The following PHACTR3 variants were observed in gnomAD, a reference collection of about 807,000 sequenced individuals.
The protein encoded by PHACTR3 is phosphatase and actin regulator 3.
PHACTR3 carries 16 observed loss-of-function variants against 66.8 expected under a neutral mutation model. The observed-to-expected ratio is 0.24, with a 90% CI of 0.16 to 0.36. The LOEUF is 0.36. PHACTR3 is among the 10% of genes least tolerant of loss of function. PHACTR3 has a pLI of 1.00. For missense variants in PHACTR3, 647 were observed against 719.9 expected (o/e 0.90, Z 1.16); for synonymous variants, 323 against 292.1 (o/e 1.11, Z -1.08).
At chr20:59,626,158 C>G (rs915889220) in intron 1 of PHACTR3, among the ~76,000 whole-genome samples, 1 of 152,204 alleles carries the variant, frequency 6.6e-6, no homozygotes, top group African/African-American at 2.4e-5. Context: ...AGCCATTCAA[C>G]AAATATTTAC....
At chr20:59,622,473 G>C (rs2146368082) in intron 1 of PHACTR3, among the ~76,000 whole-genome samples, 1 of 152,290 alleles carries the variant, frequency 6.6e-6, no homozygotes, top group South Asian at 2.1e-4. Context: ...TTTACCTACT[G>C]GTAAATGCTC....
intron 1 of PHACTR3, among the ~76,000 whole-genome samples, chr20:59,659,157 T>A: frequency 6.6e-6 from 1 of 152,208 alleles, no homozygotes; most frequent in Non-Finnish European, 1.5e-5. Flanking sequence ...CAAAGTTGTG[T>A]GATAATTTCA....
chr20:59,643,013 A>T (rs1009178148), intron 1 of PHACTR3, among the ~76,000 whole-genome samples: 3 of 152,056 alleles, frequency 2.0e-5, no homozygotes, highest in Non-Finnish European at 2.9e-5. Context: ...CCAGGTTCAC[A>T]CCATTCTCCT....
At chr20:59,620,212 T>TA (rs1021851587) in intron 1 of PHACTR3, among the ~76,000 whole-genome samples, 10 of 152,240 alleles carry the variant, frequency 6.6e-5, no homozygotes, top group Non-Finnish European at 1.5e-4. Flanking sequence ...TTTAGACATC[T>TA]AAAAATGTCA....
At chr20:59,581,805 C>T (rs559535472) in intron 1 of PHACTR3, among the ~76,000 whole-genome samples, 2 of 151,836 alleles carry the variant, frequency 1.3e-5, no homozygotes, top group African/African-American at 4.8e-5. Context: ...GGCGTGAACC[C>T]GGTAGGCGGA....
At chr20:59,842,265 A>C (rs889766432) in intron 11 of PHACTR3, among the ~76,000 whole-genome samples, 1 of 152,216 alleles carries the variant, frequency 6.6e-6, no homozygotes, top group African/African-American at 2.4e-5. Flanking sequence ...TGCTTCTATT[A>C]ATTTTCAGAA....
Position 59,755,457 on chromosome 20 carries a change from C to T in PHACTR3, c.541+93C>T, listed in dbSNP as rs1273271006. The T allele has an allele frequency of 8.2e-6, 11 of 1,348,556 alleles. No individual in the cohort carries two copies. In the East Asian group the frequency reaches 9.9e-5, roughly 12 times the overall value. 83.5% of individuals were successfully genotyped at this position (1,348,556 alleles called of 1,614,324 possible). A position where few individuals can be genotyped will look rare whatever the true frequency, so the allele number is the denominator to read the frequency against. ...TGGCTATAGCTTAGGCAACAGCCCT[C>T]GTAGAACATTGTTCTCCAGAGAGCT... On this transcript the variant is annotated intron_variant, in intron 4 of 12. Coordinates refer to ENST00000371015, the MANE Select transcript of PHACTR3 (RefSeq NM_080672.5).
At chr20:59,728,054 A>T (rs2038628576) in intron 1 of PHACTR3, among the ~76,000 whole-genome samples, 1 of 152,212 alleles carries the variant, frequency 6.6e-6, no homozygotes. Context: ...AAAATTAACT[A>T]TTTTAAAGTG....
intron 1 of PHACTR3, among the ~76,000 whole-genome samples, chr20:59,692,958 C>T (rs919745487): frequency 6.6e-6 from 1 of 152,124 alleles, no homozygotes; most frequent in African/African-American, 2.4e-5. Flanking sequence ...GTTTCTAAGC[C>T]TTAGGTTTTC....
intron 1 of PHACTR3, among the ~76,000 whole-genome samples, chr20:59,739,612 CGGA>C (rs2039080222): frequency 3.3e-5 from 5 of 152,126 alleles, no homozygotes; most frequent in Admixed American, 3.3e-4. Flanking sequence ...CAATATCATG[CGGA>C]CAGCATGGGG....
chr20:59,845,343 C>T, intron 12 of PHACTR3, 78 bp downstream of exon 12: 1 of 898,578 alleles, frequency 1.1e-6, no homozygotes, highest in Non-Finnish European at 1.8e-6. Flanking sequence ...CGCCACAAAC[C>T]ATGTATCCAG....
At chr20:59,649,244 T>C (rs986508445) in intron 1 of PHACTR3, among the ~76,000 whole-genome samples, 3 of 152,226 alleles carry the variant, frequency 2.0e-5, no homozygotes, top group African/African-American at 7.2e-5. Flanking sequence ...AAAGTTATTA[T>C]GGTAATGGTT....
chr20:59,608,407 A>G (rs1472183652), intron 1 of PHACTR3, among the ~76,000 whole-genome samples: 1 of 152,212 alleles, frequency 6.6e-6, no homozygotes, highest in African/African-American at 2.4e-5. Context: ...TTCTTCCAAA[A>G]TAGAAATTTA....
At chr20:59,660,774 G>C (rs2035781523) in intron 1 of PHACTR3, among the ~76,000 whole-genome samples, 1 of 152,146 alleles carries the variant, frequency 6.6e-6, no homozygotes, top group South Asian at 2.1e-4. Flanking sequence ...TCATTCTCTT[G>C]GAGAGCCAGA....
intron 1 of PHACTR3, among the ~76,000 whole-genome samples, chr20:59,623,535 A>G (rs1344176742): frequency 1.3e-5 from 2 of 152,182 alleles, no homozygotes; most frequent in South Asian, 4.1e-4. Flanking sequence ...GGAAATTTCT[A>G]TGCATTCTTT....
chr20:59,664,057 T>A (rs141360459), intron 1 of PHACTR3, among the ~76,000 whole-genome samples: 1 of 152,176 alleles, frequency 6.6e-6, no homozygotes, highest in Admixed American at 6.5e-5. Flanking sequence ...TAAACACTTA[T>A]GAGAGAAAAG....
At chr20:59,599,217 T>G (rs1219404069) in intron 1 of PHACTR3, among the ~76,000 whole-genome samples, 1 of 152,196 alleles carries the variant, frequency 6.6e-6, no homozygotes, top group East Asian at 1.9e-4. Context: ...GCCGTGCACA[T>G]TCATTCATTT....
chr20:59,623,521 C>T (rs1485838816), intron 1 of PHACTR3, among the ~76,000 whole-genome samples: 1 of 152,228 alleles, frequency 6.6e-6, no homozygotes, highest in Non-Finnish European at 1.5e-5. Context: ...TGTGTACGCT[C>T]TCAGGAAATT....
At chr20:59,713,053 G>A (rs959990577) in intron 1 of PHACTR3, among the ~76,000 whole-genome samples, 3 of 152,230 alleles carry the variant, frequency 2.0e-5, no homozygotes, top group Non-Finnish European at 2.9e-5. Context: ...TGAACAAAGC[G>A]AGTTTGCCTC....
Sources: gnomAD v4.1 joint callset for allele counts (sites outside exome capture counted in the v4.1 genomes callset) on GRCh38, gnomAD v4.1.1 for gene constraint, MANE v1.5 for transcripts, NCBI Gene and HGNC (gene_info 2026-07-23, HGNC 2026-07-21) for gene names.